Variants in LRP4 observed in about 807,000 individuals in gnomAD.
The protein encoded by LRP4 is low-density lipoprotein receptor-related protein 4.
A neutral mutation model predicts 220.3 loss-of-function variants in LRP4; 95 were observed. The ratio of observed to expected loss-of-function variants is 0.43; its 90% CI spans 0.37 to 0.51. LRP4 has a LOEUF of 0.51. Ranked by LOEUF, LRP4 falls within the 20% of genes least tolerant of loss-of-function variation. The pLI is 0.00. For missense variants in LRP4, 1,925 were observed against 2,567.0 expected, an observed-to-expected ratio of 0.75 and a Z score of 5.40; for synonymous variants, 903 against 954.6, an observed-to-expected ratio of 0.95 and a Z score of 1.00.
rs540593524 is a variant in LRP4 at position 46,911,841 on chromosome 11, C to CTTT, written c.52+6484_52+6486dup. On this transcript the variant is annotated intron_variant, in intron 1 of 37. Transcript: ENST00000378623. ...TTCCCATCTGTAAGATGGGAATCTT[C>CTTT]TTTTTTTTTTTTTTTTTTTGAGACG... is the stretch of plus-strand genomic sequence containing the variant. 3.5e-3 allele frequency among the ~76,000 whole-genome samples: 418 copies of CTTT among 118,760 alleles called. 8 individuals carry two copies. The highest frequency in any genetic ancestry group is 5.3e-3 in the Non-Finnish European group (317 of 59,266). 77.9% of individuals were successfully genotyped at this position (118,760 alleles called of 152,430 possible).
chr11:46,899,854 G>T lies in LRP4; in HGVS notation c.430+9C>A. 1 of 1,612,642 alleles carries T rather than the reference G, an allele frequency of 6.2e-7. No homozygotes were observed. Among genetic ancestry groups the T allele is most frequent in the Non-Finnish European group, 8.5e-7 (1 of 1,179,096 alleles). Reference sequence around the variant, plus strand: ...ACCTTGCCTGCCTTCCCCCGTTGGGGTCACCCACCACACTGCTCATCGCTG... The same window carrying T: ...ACCTTGCCTGCCTTCCCCCGTTGGGTTCACCCACCACACTGCTCATCGCTG... On this transcript the variant is annotated intron_variant, in intron 4 of 37. Coordinates refer to ENST00000378623, the MANE Select transcript of LRP4 (RefSeq NM_002334.4). The surrounding 1 kb of genome is among the most constrained non-coding windows in gnomAD (Gnocchi z 5.9).
intron 12 of LRP4, among the ~76,000 whole-genome samples, chr11:46,893,387 A>C (rs938745993): frequency 2.0e-5 from 3 of 152,152 alleles, no homozygotes; most frequent in Non-Finnish European, 4.4e-5. Flanking sequence ...TCAACCATAC[A>C]TCACTTTCTG....
chr11:46,888,212 C>T (rs1941340161), intron 16 of LRP4, among the ~76,000 whole-genome samples: 1 of 148,578 alleles, frequency 6.7e-6, no homozygotes, highest in South Asian at 2.2e-4. Flanking sequence ...ATCCCCGCTA[C>T]TCAGGAGGCT....
chr11:46,896,791 G>T, intron 8 of LRP4, 78 bp downstream of exon 8: 1 of 1,605,582 alleles, frequency 6.2e-7, no homozygotes, highest in Non-Finnish European at 8.5e-7. Flanking sequence ...CAACTGGAAA[G>T]ATACCAAAGC....
chr11:46,876,794 A>T lies in LRP4; in HGVS notation c.3314T>A (p.Ile1105Asn). The T allele has an allele frequency of 6.2e-7, 1 of 1,614,062 alleles. No homozygotes were observed. Among genetic ancestry groups the T allele is most frequent in the Non-Finnish European group, 8.5e-7 (1 of 1,180,022 alleles). Residue 1105 changes from isoleucine (I) to asparagine (N), a missense_variant, in exon 24 of 38, where the codon ATC (isoleucine) becomes AAC (asparagine). Ile to Asn is a moderately radical substitution (Grantham distance 149). Around this residue, in one of 3 missense-constraint regions of LRP4, gnomAD observed 1,244 missense variants for 1,624.9 expected, o/e 0.77. Coordinates refer to ENST00000378623, the MANE Select transcript of LRP4 (RefSeq NM_002334.4). ...TGAGCCATCCAGATTGGCACGACTG[A>T]TCCTGTGCAGTGTGCTGTCAGACCA... Reference protein sequence around the residue: ...VYWSDSTLHRISRANLDGSQH... With the variant: ...VYWSDSTLHRNSRANLDGSQH...
intron 12 of LRP4, among the ~76,000 whole-genome samples, chr11:46,894,080 T>A (rs1941476487): frequency 6.6e-6 from 1 of 151,652 alleles, no homozygotes; most frequent in African/African-American, 2.4e-5. Context: ...TTAGTAGAGA[T>A]GGGGTTTCTC....
In LRP4 at chr11:46,889,946, G is replaced by A. The variant is rs1002301696; in HGVS notation, c.2090C>T (p.Ala697Val). Reference sequence around the variant, plus strand: ...TCACCCGGTGGGCAGTTTTTTACCTGCAGGTTGGCGCTGGGGGTGCAAGGT... The same window carrying A: ...TCACCCGGTGGGCAGTTTTTTACCTACAGGTTGGCGCTGGGGGTGCAAGGT... ...IHTLHPQRQP[A>V]GKNRCGDNNG... The change falls in exon 15 of 38, where the codon GCA becomes GTA. Residue 697 changes from alanine (A) to valine (V), a missense_variant and splice_region_variant. Physicochemically the swap from Ala to Val is moderately conservative, Grantham distance 64 (BLOSUM62 0). Coordinates refer to ENST00000378623, the MANE Select transcript of LRP4 (RefSeq NM_002334.4). 3 of 1,614,140 alleles carry A rather than the reference G, an allele frequency of 1.9e-6. No individual in the cohort carries two copies. The highest frequency in any genetic ancestry group is 2.7e-5 in the African/African-American group (2 of 75,024).
At chr11:46,879,406 C>A in intron 20 of LRP4, 91 bp from the exon 21 acceptor site, 1 of 1,300,904 alleles carries the variant, frequency 7.7e-7, no homozygotes, top group South Asian at 1.2e-5. Context: ...GAAAGCAGCT[C>A]TCCCACTAAC....
intron 34 of LRP4, among the ~76,000 whole-genome samples, chr11:46,866,254 A>G (rs545420343): frequency 1.3e-5 from 2 of 151,060 alleles, no homozygotes; most frequent in Non-Finnish European, 3.0e-5. Context: ...TCACATATGT[A>G]TTTCCAGATT....
intron 1 of LRP4, among the ~76,000 whole-genome samples, chr11:46,912,717 C>T (rs1941883277): frequency 6.6e-6 from 1 of 152,186 alleles, no homozygotes. Flanking sequence ...CACTTACAAC[C>T]TTGCAGCTTC....
At chr11:46,910,371 AT>A (rs1330582995) in intron 1 of LRP4, among the ~76,000 whole-genome samples, 3 of 152,216 alleles carry the variant, frequency 2.0e-5, no homozygotes, top group Admixed American at 6.5e-5. Context: ...CAGGAATGTT[AT>A]GAGAAATAAA....
In LRP4 at chr11:46,871,754, G is replaced by T. The variant is rs961250416; in HGVS notation, c.4584-121C>A. On this transcript the variant is annotated intron_variant, in intron 30 of 37. Coordinates refer to ENST00000378623, the MANE Select transcript of LRP4 (RefSeq NM_002334.4). ...GGCAGATGCTATGAGAACTCAAGAA[G>T]CACCCTCGATGAGGGGTCATTGTGA... 7.3e-5 allele frequency: 53 copies of T among 729,880 alleles called. No individual in the cohort carries two copies. In the Middle Eastern group the frequency reaches 1.8e-3, roughly 24 times the overall value. 45.2% of individuals were successfully genotyped at this position (729,880 alleles called of 1,614,324 possible). A position where few individuals can be genotyped will look rare whatever the true frequency, so the allele number is the denominator to read the frequency against.
chr11:46,875,123 G>C lies in LRP4; in HGVS notation c.3926-20C>G, dbSNP rs1940973977. The C allele has an allele frequency of 1.2e-6, 2 of 1,608,616 alleles. No individual in the cohort carries two copies. The highest frequency in any genetic ancestry group is 2.7e-5 in the African/African-American group (2 of 74,986). On this transcript the variant is annotated intron_variant, in intron 27 of 37. Transcript: ENST00000378623. This position sits in a 1 kb window ranked among gnomAD's most constrained non-coding sequence, Gnocchi z 4.5. ...TAAAACCTGGTGATGAGAAGCACAA[G>C]TATTCACACCTAGCCTGGAACATCA... is the stretch of plus-strand genomic sequence containing the variant.
At chr11:46,889,095 T>C (rs1941363686) in intron 16 of LRP4, among the ~76,000 whole-genome samples, 1 of 152,238 alleles carries the variant, frequency 6.6e-6, no homozygotes. Flanking sequence ...ATCATTCCCC[T>C]GTTTTCTAGA....
At chr11:46,892,616 G>C (rs950578920) in intron 13 of LRP4, among the ~76,000 whole-genome samples, 1 of 150,050 alleles carries the variant, frequency 6.7e-6, no homozygotes, top group East Asian at 2.0e-4. Context: ...CTTTCTCCCA[G>C]GCTGGAGTGC....
At chr11:46,908,384 A>C (rs1941796077) in intron 1 of LRP4, among the ~76,000 whole-genome samples, 1 of 152,194 alleles carries the variant, frequency 6.6e-6, no homozygotes, top group Non-Finnish European at 1.5e-5. Context: ...CATTACTTTT[A>C]ATGACAAAAA....
At chr11:46,910,102 T>G (rs1441898138) in intron 1 of LRP4, among the ~76,000 whole-genome samples, 1 of 152,198 alleles carries the variant, frequency 6.6e-6, no homozygotes, top group African/African-American at 2.4e-5. Context: ...GAAAGGGACA[T>G]GTCGGGCACA....
chr11:46,900,270 T>C lies in LRP4; in HGVS notation c.308A>G (p.Gln103Arg). Residue 103 changes from glutamine (Q) to arginine (R), a missense_variant, in exon 3 of 38, where the codon CAG becomes CGG. This residue lies in a region of LRP4 where 412 missense variants were observed against 505.4 expected (regional missense o/e 0.82). Transcript: ENST00000378623. ...DNDCEDDSDEQDCPPRECEED... is the reference protein window; with the variant it reads ...DNDCEDDSDERDCPPRECEED... ...CCTCTGCCAACACTCACGACAGTCC[T>C]GCTCATCCGAGTCATCCTCACAGTC... 1 of 1,613,332 alleles carries C rather than the reference T, an allele frequency of 6.2e-7. No homozygotes were observed. The highest frequency in any genetic ancestry group is 1.1e-5 in the South Asian group (1 of 91,072).
rs796258216 is a variant in LRP4 at position 46,876,019 on chromosome 11, CA to C, written c.3537-54del. On this transcript the variant is annotated intron_variant, in intron 25 of 37. Transcript: ENST00000378623. ...TAGCTAGTTATTCCAGCAGCTACCACATACCATGAATACTTAACAGTATGTC... is the reference window on the plus strand; with the variant it reads ...TAGCTAGTTATTCCAGCAGCTACCACTACCATGAATACTTAACAGTATGTC... 3.5e-5 allele frequency: 55 copies of C among 1,569,788 alleles called. No individual in the cohort carries two copies. In the African/African-American group the frequency reaches 6.6e-4, roughly 19 times the overall value.
Sources: allele counts gnomAD v4.1 joint callset (sites outside exome capture counted in the v4.1 genomes callset), GRCh38; gene constraint gnomAD v4.1.1; regional missense constraint gnomAD v4.1.1; non-coding constraint Gnocchi (gnomAD v3.1); transcripts MANE v1.5; gene names NCBI Gene and HGNC (gene_info 2026-07-23, HGNC 2026-07-21).